The following TMEM132B variants were observed in gnomAD, a reference collection of about 807,000 sequenced individuals.
The protein encoded by TMEM132B is transmembrane protein 132B.
In TMEM132B, 18 loss-of-function variants were observed where a neutral mutation model predicts 90.8. The ratio of observed to expected loss-of-function variants is 0.20; its 90% CI spans 0.14 to 0.29. The LOEUF (loss-of-function observed/expected upper bound fraction) is 0.29. Ranked by LOEUF, TMEM132B falls within the 10% of genes least tolerant of loss-of-function variation. The pLI is 1.00. For synonymous variants in TMEM132B, 504 were observed against 523.3 expected, an observed-to-expected ratio of 0.96 and a Z score of 0.50; for missense variants, 1,096 against 1,326.8, an observed-to-expected ratio of 0.83 and a Z score of 2.70.
intron 1 of TMEM132B, among the ~76,000 whole-genome samples, chr12:125,206,048 A>G (rs1873175419): frequency 6.6e-6 from 1 of 152,084 alleles, no homozygotes; most frequent in Admixed American, 6.5e-5. Flanking sequence ...TTCTTCAGAA[A>G]GGCTGTGAGT....
intron 3 of TMEM132B, among the ~76,000 whole-genome samples, chr12:125,497,069 T>G (rs1882581485): frequency 6.6e-6 from 1 of 152,206 alleles, no homozygotes; most frequent in East Asian, 1.9e-4. Flanking sequence ...TACCTTTATT[T>G]CAAAGCTCCA....
rs367836328 is a variant in TMEM132B, at chr12:125,224,438, GACTGTTTTCTGATATT to G, written c.67+37574_67+37589del. ...CTTTAAGTGGACTTCCCAGGGTGCC[GACTGTTTTCTGATATT>G]AAGGACTTCCAGGAGACAGAGAGCT... On this transcript the variant is annotated intron_variant, in intron 1 of 8. Coordinates refer to ENST00000682704, the MANE Select transcript of TMEM132B (RefSeq NM_001366854.1). Among the ~76,000 whole-genome samples, 620 of 152,276 alleles carry G rather than the reference GACTGTTTTCTGATATT, an allele frequency of 4.1e-3. 5 individuals are homozygous for G. Among genetic ancestry groups the G allele is most frequent in the African/African-American group, 0.014 (581 of 41,568 alleles).
At chr12:125,508,680 G>A (rs1167568949) in intron 3 of TMEM132B, among the ~76,000 whole-genome samples, 2 of 152,108 alleles carry the variant, frequency 1.3e-5, no homozygotes, top group African/African-American at 4.8e-5. Flanking sequence ...CAGTAGAGAT[G>A]CAGAGTAATC....
rs77364701 is a variant in TMEM132B at position 125,404,450 on chromosome 12, A to G, written c.960-11081A>G. Among the ~76,000 whole-genome samples, 455 of 152,314 alleles carry G rather than the reference A, an allele frequency of 3.0e-3. 19 individuals are homozygous for G. In the South Asian group the frequency reaches 0.072, roughly 24 times the overall value. On this transcript the variant is annotated intron_variant, in intron 2 of 8. Coordinates refer to ENST00000682704, the MANE Select transcript of TMEM132B (RefSeq NM_001366854.1). ...TGGCTGGAGACTTAGGGTAGTTCCA[A>G]AGGACATCTCACAAGGTAGGAGGCT... is the stretch of plus-strand genomic sequence containing the variant.
chr12:125,352,628 C>T (rs948527953), intron 2 of TMEM132B, among the ~76,000 whole-genome samples: 3 of 152,222 alleles, frequency 2.0e-5, no homozygotes, highest in Non-Finnish European at 4.4e-5. Flanking sequence ...AATTGTGAGT[C>T]CTCAGTGAAT....
chr12:125,395,008 C>T (rs1347333109), intron 2 of TMEM132B, among the ~76,000 whole-genome samples: 1 of 152,130 alleles, frequency 6.6e-6, no homozygotes, highest in Non-Finnish European at 1.5e-5. Context: ...ACCCATGTGA[C>T]AAACCTGCAC....
At chr12:125,613,214 C>A (rs1393430194) in intron 5 of TMEM132B, among the ~76,000 whole-genome samples, 1 of 102,990 alleles carries the variant, frequency 9.7e-6, no homozygotes, top group Non-Finnish European at 1.9e-5. Flanking sequence ...ATATTATACA[C>A]CCACTATATT....
At chr12:125,638,515 C>T (rs1049113486) in intron 5 of TMEM132B, among the ~76,000 whole-genome samples, 1 of 152,154 alleles carries the variant, frequency 6.6e-6, no homozygotes, top group South Asian at 2.1e-4. Flanking sequence ...TTTTTCTCTA[C>T]ATAGTTTTGA....
intron 1 of TMEM132B, among the ~76,000 whole-genome samples, chr12:125,215,777 G>C (rs1873424635): frequency 6.6e-6 from 1 of 152,166 alleles, no homozygotes; most frequent in South Asian, 2.1e-4. Flanking sequence ...CCAGACCTCA[G>C]GTGATCCACC....
At chr12:125,516,771 C>T (rs769346120) in intron 3 of TMEM132B, among the ~76,000 whole-genome samples, 7 of 152,168 alleles carry the variant, frequency 4.6e-5, no homozygotes, top group African/African-American at 7.2e-5. Context: ...CTGAGGTCTA[C>T]GGAATGCTGA....
At chr12:125,325,669 C>CTG (rs59220510) in intron 1 of TMEM132B, among the ~76,000 whole-genome samples, 6,636 of 124,054 alleles carry the variant, frequency 0.053, 156 homozygotes, top group Middle Eastern at 0.087. Context: ...GCCTCCCACC[C>CTG]TGTGTGTGTG....
rs190464922 is a variant in TMEM132B at position 125,391,915 on chromosome 12, C to G, written c.960-23616C>G. Reference sequence around the variant, plus strand: ...CTGAGTAGCTGGGACTACAGGCACACACCACCACACCAAGCTAAAATTTTA... The same window carrying G: ...CTGAGTAGCTGGGACTACAGGCACAGACCACCACACCAAGCTAAAATTTTA... On this transcript the variant is annotated intron_variant, in intron 2 of 8. Transcript: ENST00000682704. Among the ~76,000 whole-genome samples, 358 of 152,038 alleles carry G rather than the reference C, an allele frequency of 2.4e-3. 1 individual carries two copies. Among genetic ancestry groups the G allele is most frequent in the Non-Finnish European group, 2.6e-3 (174 of 68,014 alleles).
At chr12:125,238,768 G>T (rs1261729649) in intron 1 of TMEM132B, among the ~76,000 whole-genome samples, 1 of 152,194 alleles carries the variant, frequency 6.6e-6, no homozygotes, top group Non-Finnish European at 1.5e-5. Flanking sequence ...TCAAAACCCT[G>T]GGTGTTTGTA....
intron 1 of TMEM132B, among the ~76,000 whole-genome samples, chr12:125,329,286 A>C (rs1482238908): frequency 6.6e-6 from 1 of 152,182 alleles, no homozygotes. Flanking sequence ...GTGAGAAATG[A>C]ATATCTGTTG....
chr12:125,625,282 GC>G (rs746167006), intron 5 of TMEM132B, among the ~76,000 whole-genome samples: 1 of 151,782 alleles, frequency 6.6e-6, no homozygotes, highest in Admixed American at 6.6e-5. Context: ...ACAGGCGCCC[GC>G]CCCCACGCCC....
intron 4 of TMEM132B, among the ~76,000 whole-genome samples, chr12:125,556,502 C>T (rs1349801847): frequency 1.3e-5 from 2 of 152,112 alleles, no homozygotes; most frequent in East Asian, 1.9e-4. Flanking sequence ...GAGTGTCTTC[C>T]ACTTGAAGAG....
At chr12:125,320,259 T>C (rs1443578523) in intron 1 of TMEM132B, among the ~76,000 whole-genome samples, 3 of 152,178 alleles carry the variant, frequency 2.0e-5, no homozygotes, top group Non-Finnish European at 2.9e-5. Context: ...AGAGAGAAAA[T>C]AGGAGCAAAT....
chr12:125,262,094 A>G (rs990492018), intron 1 of TMEM132B, among the ~76,000 whole-genome samples: 4 of 152,154 alleles, frequency 2.6e-5, no homozygotes, highest in Non-Finnish European at 5.9e-5. Context: ...CATTAAGTTT[A>G]AAAACAAGTG....
chr12:125,262,662 C>T (rs1874595369), intron 1 of TMEM132B, among the ~76,000 whole-genome samples: 1 of 152,232 alleles, frequency 6.6e-6, no homozygotes, highest in South Asian at 2.1e-4. Flanking sequence ...AGACAAATAT[C>T]TCTCTGTTTC....
Sources: allele counts gnomAD v4.1 joint callset (sites outside exome capture counted in the v4.1 genomes callset), GRCh38; gene constraint gnomAD v4.1.1; transcripts MANE v1.5; gene names NCBI Gene and HGNC (gene_info 2026-07-23, HGNC 2026-07-21).